The following LYPD4 variants were observed in gnomAD, a reference collection of about 807,000 sequenced individuals.
LYPD4 encodes ly6/PLAUR domain-containing protein 4.
A neutral mutation model predicts 18.2 loss-of-function variants in LYPD4; 20 were observed. The ratio of observed to expected loss-of-function variants is 1.10; its 90% CI spans 0.77 to 1.59. The LOEUF (loss-of-function observed/expected upper bound fraction) is 1.59, where lower values mean the gene tolerates loss of function less well. Among genes scored for constraint, LYPD4 ranks in the 40% most tolerant of loss-of-function variants. The pLI, the probability that LYPD4 is intolerant of heterozygous loss-of-function variation, is 0.00. For synonymous variants in LYPD4, 111 were observed against 118.3 expected (o/e 0.94, Z 0.40); for missense variants, 278 against 300.3 (o/e 0.93, Z 0.55).
intron 4 of LYPD4, among the ~76,000 whole-genome samples, 193 bp from the exon 5 acceptor site, chr19:41,837,538 A>C (rs556931820): frequency 6.6e-6 from 1 of 152,244 alleles, no homozygotes; most frequent in African/African-American, 2.4e-5. Flanking sequence ...CCTTAAAAAT[A>C]CAAAAATTAG....
downstream of LYPD4, chr19:41,835,676 T>C (rs2073363158): frequency 1.7e-6 from 1 of 604,312 alleles, no homozygotes; most frequent in Non-Finnish European, 2.1e-6. Flanking sequence ...CTATTCTGGC[T>C]TCCCAACCAC....
chr19:41,842,130 C>T (rs1231866926), intron 1 of LYPD4, among the ~76,000 whole-genome samples: 1 of 152,128 alleles, frequency 6.6e-6, no homozygotes, highest in Non-Finnish European at 1.5e-5. Flanking sequence ...GCAGCCCCCA[C>T]CTGCCAGGCT....
chr19:41,840,993 A>C (rs1341633348), intron 1 of LYPD4, among the ~76,000 whole-genome samples: 1 of 152,216 alleles, frequency 6.6e-6, no homozygotes, highest in Non-Finnish European at 1.5e-5. Context: ...ATAAGGAGCA[A>C]CAAAGCAATT....
intron 1 of LYPD4, among the ~76,000 whole-genome samples, chr19:41,841,791 G>C (rs1166561005): frequency 6.6e-6 from 1 of 152,038 alleles, no homozygotes; most frequent in Non-Finnish European, 1.5e-5. Context: ...GACAAGTGTT[G>C]GCAGGTATGT....
chr19:41,839,675 GTGTGT>G (rs1175320167), intron 1 of LYPD4: 6 of 220,804 alleles, frequency 2.7e-5, no homozygotes, highest in East Asian at 1.0e-4. Flanking sequence ...TCAAACTCGT[GTGTGT>G]TGTGTGTGTG....
rs939139055 is a variant in LYPD4 at position 41,838,884 on chromosome 19, T to C, written c.208A>G (p.Thr70Ala). Residue 70 changes from threonine (T) to alanine (A), a missense_variant, in exon 3 of 5, where the codon ACA (threonine) becomes GCA (alanine). Physicochemically the swap from Thr to Ala is moderately conservative, Grantham distance 58 (BLOSUM62 0). Coordinates refer to ENST00000609812, the MANE Select transcript of LYPD4 (RefSeq NM_173506.7). Reference sequence around the variant, plus strand: ...GATCAAACTTAGACTGCTTCACCTGTCTCAATGAACACTAGCGTCTCCTCG... The same window carrying C: ...GATCAAACTTAGACTGCTTCACCTGCCTCAATGAACACTAGCGTCTCCTCG... ...GCEETLVFIE[T>A]GTARGVVGFK... The C allele has an allele frequency of 6.2e-7, 1 of 1,613,802 alleles. No homozygotes were observed. Among genetic ancestry groups the C allele is most frequent in the Admixed American group, 1.7e-5 (1 of 59,984 alleles).
rs2073426446 is a variant in LYPD4, at chr19:41,838,011, G to C, written c.462C>G (p.Leu154=). The C allele has an allele frequency of 6.2e-7, 1 of 1,614,134 alleles. No homozygotes were observed. Among genetic ancestry groups the C allele is most frequent in the East Asian group, 2.2e-5 (1 of 44,878 alleles). Residue 154 remains leucine (L), a synonymous_variant, in exon 4 of 5, where the codon CTC becomes CTG. Coordinates refer to ENST00000609812, the MANE Select transcript of LYPD4 (RefSeq NM_173506.7). ...TCVGEHMKDC[L]PNFVTTNSCP... ...AAGAATTAGTGGTGACAAAATTTGGGAGGCAATCCTTCATGTGCTCGCCCA... is the reference window on the plus strand; with the variant it reads ...AAGAATTAGTGGTGACAAAATTTGGCAGGCAATCCTTCATGTGCTCGCCCA...
In LYPD4 at chr19:41,844,175, T is replaced by C. The variant is rs1555834607; in HGVS notation, c.-718A>G. 6.6e-6 allele frequency: 1 copy of C among 152,250 alleles called. No homozygotes were observed. Among genetic ancestry groups the C allele is most frequent in the African/African-American group, 2.4e-5 (1 of 41,380 alleles). 9.4% of individuals were successfully genotyped at this position (152,250 alleles called of 1,614,324 possible). A position where few individuals can be genotyped will look rare whatever the true frequency, so the allele number is the denominator to read the frequency against. ...CAAGGCAGAGAAGATGGCGGGATGG[T>C]GTGAGACGGAGTTCACAGAAATACC... On this transcript the variant is annotated 5_prime_UTR_variant, in exon 1 of 5. Transcript: ENST00000609812.
At chr19:41,837,631 T>C (rs2073409318) in intron 4 of LYPD4, among the ~76,000 whole-genome samples, 2 of 151,632 alleles carry the variant, frequency 1.3e-5, no homozygotes, top group Admixed American at 1.3e-4. Context: ...GAGGCAGAGG[T>C]TGCAGTGAGC....
Position 41,837,237 on chromosome 19 carries a change from A to G in LYPD4, c.647T>C (p.Ile216Thr). ...ACCAACAATCTGAGACTTCTCTAAG[A>G]TGTTGAGGACCTCAGTCACTTTGAT... Reference protein sequence around the residue: ...GSIKVTEVLNILEKSQIVGAA... With the variant: ...GSIKVTEVLNTLEKSQIVGAA... The change falls in exon 5 of 5, where the codon ATC becomes ACC. Residue 216 changes from isoleucine to threonine, a missense_variant. Ile to Thr is a moderately conservative substitution (Grantham distance 89). Transcript: ENST00000609812. 1 of 1,614,078 alleles carries G rather than the reference A, an allele frequency of 6.2e-7. No individual in the cohort carries two copies. Among genetic ancestry groups the G allele is most frequent in the Non-Finnish European group, 8.5e-7 (1 of 1,179,976 alleles).
At chr19:41,842,230 T>C (rs2073617829) in intron 1 of LYPD4, among the ~76,000 whole-genome samples, 1 of 151,948 alleles carries the variant, frequency 6.6e-6, no homozygotes, top group East Asian at 1.9e-4. Context: ...AGTTTTTCCA[T>C]GTTGCCCCAG....
Position 41,838,214 on chromosome 19 carries a change from A to G in LYPD4, c.259T>C (p.Ser87Pro). ...AGGTAGGAGATTTGCGCAGGGTAAG[A>G]CGAAGACGAGCTGCAGCCTTTAAAG... is the stretch of plus-strand genomic sequence containing the variant. ...VGFKGCSSSS[S>P]YPAQISYLVS... The change falls in exon 4 of 5, where the codon TCT becomes CCT. Residue 87 changes from serine (S) to proline (P), a missense_variant. By Grantham distance (74) the Ser-to-Pro change is moderately conservative. Transcript: ENST00000609812. The G allele has an allele frequency of 6.4e-7, 1 of 1,557,108 alleles. No individual in the cohort carries two copies. The highest frequency in any genetic ancestry group is 8.7e-7 in the Non-Finnish European group (1 of 1,150,538).
At chr19:41,838,474 C>G (rs1443495279) in intron 3 of LYPD4, among the ~76,000 whole-genome samples, 6 of 152,092 alleles carry the variant, frequency 3.9e-5, no homozygotes, top group Admixed American at 6.5e-5. Flanking sequence ...CCTCCCCCAG[C>G]CCCCACTCCT....
rs782307488 is a variant in LYPD4, at chr19:41,839,195, A to T, written c.67+24T>A. On this transcript the variant is annotated intron_variant, in intron 2 of 4. Transcript: ENST00000609812. ...AGCCTCCCACCTTTCTGGGTCTTAT[A>T]GCATCCAGCCCCACAGGACATACGA... The T allele has an allele frequency of 7.4e-6, 12 of 1,614,020 alleles. No individual in the cohort carries two copies. In the East Asian group the frequency reaches 2.7e-4, roughly 36 times the overall value.
rs782353361 is a variant in LYPD4 at position 41,839,021 on chromosome 19, G to T, written c.71C>A (p.Ala24Asp). ...LLGAISTLPRAGALLCYEATA... is the reference protein window; with the variant it reads ...LLGAISTLPRDGALLCYEATA... The stretch of plus-strand genomic sequence containing the variant: ...TGCTTCATAGCACAAAAGAGCTCCA[G>T]CCCCTAAAAAGAGAATGCTCTCCCA... Residue 24 changes from alanine (A) to aspartate (D), a missense_variant, in exon 3 of 5, where the codon GCT becomes GAT. Transcript: ENST00000609812. 1 of 1,613,298 alleles carries T rather than the reference G, an allele frequency of 6.2e-7. No homozygotes were observed. Among genetic ancestry groups the T allele is most frequent in the Admixed American group, 1.7e-5 (1 of 59,886 alleles).
intron 1 of LYPD4, among the ~76,000 whole-genome samples, chr19:41,841,916 C>T (rs2073607903): frequency 6.6e-6 from 1 of 152,158 alleles, no homozygotes; most frequent in Admixed American, 6.5e-5. Flanking sequence ...TGACCAGGAT[C>T]TCAGGCCCAA....
chr19:41,838,348 C>A lies in LYPD4; in HGVS notation c.212-87G>T, dbSNP rs368425655. On this transcript the variant is annotated intron_variant, in intron 3 of 4. Coordinates refer to ENST00000609812, the MANE Select transcript of LYPD4 (RefSeq NM_173506.7). ...CTCCCCCCAGCTCTTTCTGCACCCA[C>A]CCTGCCTGTCACAATCTGTGCCTCC... 45 of 1,193,618 alleles carry A rather than the reference C, an allele frequency of 3.8e-5. No homozygotes were observed. The Middle Eastern group carries it at 1.4e-3, about 36-fold the overall frequency. The allele number at this position is 1,193,618 out of a possible 1,614,324, so 73.9% of individuals were successfully genotyped here. A position where few individuals can be genotyped will look rare whatever the true frequency, so the allele number is the denominator to read the frequency against.
rs2073676406 is a variant in LYPD4 at position 41,843,049 on chromosome 19, AAAAAAAAAAAAAAAAAAAAAAAAAAAAAC to A, written c.-121+500_-121+528del. Reference sequence around the variant, plus strand: ...CCCATCGCTAAAAAAAAAAAAAAAAAAAAAAAAAAAAAAAAAAAAAAAAAAAAACCCCAACAACAACACTACACACATCC... The same window carrying A: ...CCCATCGCTAAAAAAAAAAAAAAAAACCCAACAACAACACTACACACATCC... On this transcript the variant is annotated intron_variant, in intron 1 of 4. Transcript: ENST00000609812. Among the ~76,000 whole-genome samples, 425 of 43,484 alleles carry A rather than the reference AAAAAAAAAAAAAAAAAAAAAAAAAAAAAC, an allele frequency of 9.8e-3. 14 individuals carry two copies. The highest frequency in any genetic ancestry group is 0.031 in the African/African-American group (376 of 12,008). The allele number at this position is 43,484 out of a possible 152,430, so 28.5% of individuals were successfully genotyped here.
chr19:41,839,256 C>T lies in LYPD4; in HGVS notation c.30G>A (p.Gln10=). Residue 10 remains glutamine (Q), a synonymous_variant, in exon 2 of 5, where the codon CAG becomes CAA. Coordinates refer to ENST00000609812, the MANE Select transcript of LYPD4 (RefSeq NM_173506.7). The part of the protein sequence containing the change: MGPQHLRLV[Q]LFCLLGAIST... ...AGATGGCCCCTAGAAGGCAGAACAG[C>T]TGCACAAGTCTCAAATGCTGGGGTC... is the stretch of plus-strand genomic sequence containing the variant. The T allele has an allele frequency of 6.2e-7, 1 of 1,614,196 alleles. No individual in the cohort carries two copies. The highest frequency in any genetic ancestry group is 8.5e-7 in the Non-Finnish European group (1 of 1,180,050).
Sources: gnomAD v4.1 joint callset for allele counts (sites outside exome capture counted in the v4.1 genomes callset) on GRCh38, gnomAD v4.1.1 for gene constraint, MANE v1.5 for transcripts, NCBI Gene and HGNC (gene_info 2026-07-23, HGNC 2026-07-21) for gene names.